UGT8: variants seen among roughly 807,000 people sequenced by gnomAD.
The protein encoded by UGT8 is UDP glycosyltransferase 8, also known as 2-hydroxyacylsphingosine 1-beta-galactosyltransferase.
UGT8 carries 12 observed loss-of-function variants against 40.5 expected under a neutral mutation model. The observed-to-expected ratio is 0.30, with a 90% CI of 0.19 to 0.48. The LOEUF (loss-of-function observed/expected upper bound fraction) is 0.48, where lower values mean the gene tolerates loss of function less well. Among genes scored for constraint, UGT8 ranks in the 20% least tolerant of loss-of-function variants. The probability of loss-of-function intolerance (pLI) is 0.99; values close to 1 mark genes in which losing one functional copy is unlikely to be tolerated. For missense variants in UGT8, 513 were observed against 648.7 expected, an observed-to-expected ratio of 0.79 and a Z score of 2.27; for synonymous variants, 224 against 240.4, an observed-to-expected ratio of 0.93 and a Z score of 0.63.
intron 5 of UGT8, 69 bp downstream of exon 5, chr4:114,668,373 T>C: frequency 1.6e-6 from 2 of 1,222,438 alleles, no homozygotes; most frequent in Non-Finnish European, 2.4e-6. Flanking sequence ...AGCCAATTAT[T>C]TTCAATAGAT....
At chr4:114,673,451 C>T (rs932193573) in intron 5 of UGT8, among the ~76,000 whole-genome samples, 8 of 152,096 alleles carry the variant, frequency 5.3e-5, no homozygotes, top group African/African-American at 7.2e-5. Context: ...AGAGTCTGAC[C>T]GATGAAAGTC....
intron 2 of UGT8, among the ~76,000 whole-genome samples, chr4:114,648,299 A>G (rs1369800508): frequency 1.3e-5 from 2 of 151,852 alleles, no homozygotes; most frequent in Non-Finnish European, 2.9e-5. Context: ...GAGGGGTTGT[A>G]AATGCTGTGA....
At chr4:114,670,913 A>C (rs922017671) in intron 5 of UGT8, among the ~76,000 whole-genome samples, 2 of 152,128 alleles carry the variant, frequency 1.3e-5, no homozygotes, top group African/African-American at 4.8e-5. Context: ...TATTTAGAAA[A>C]CCGCATTGTC....
At chr4:114,615,943 C>T (rs1731395052) in intron 1 of UGT8, among the ~76,000 whole-genome samples, 1 of 149,092 alleles carries the variant, frequency 6.7e-6, no homozygotes, top group Admixed American at 6.7e-5. Flanking sequence ...ATGTTGCTGC[C>T]TGATTGTTCC....
Position 114,645,246 on chromosome 4 carries a change from C to A in UGT8, c.823-18749C>A, listed in dbSNP as rs74404944. On this transcript the variant is annotated intron_variant, in intron 2 of 5. Transcript: ENST00000310836. ...ACTACCAAGTTCTCTTTAAAACAATCCCAGTGGTGATTGGTTGGTGAGTGC... is the reference window on the plus strand; with the variant it reads ...ACTACCAAGTTCTCTTTAAAACAATACCAGTGGTGATTGGTTGGTGAGTGC... 6.1e-3 allele frequency among the ~76,000 whole-genome samples: 932 copies of A among 152,244 alleles called. 12 individuals carry two copies. Among genetic ancestry groups the A allele is most frequent in the African/African-American group, 0.021 (890 of 41,542 alleles).
At chr4:114,607,044 G>A (rs1730776009) in intron 1 of UGT8, among the ~76,000 whole-genome samples, 1 of 152,094 alleles carries the variant, frequency 6.6e-6, no homozygotes, top group Non-Finnish European at 1.5e-5. Flanking sequence ...ATAATACTTG[G>A]TTTCCCCTAG....
At chr4:114,662,393 A>C (rs1266323470) in intron 2 of UGT8, among the ~76,000 whole-genome samples, 1 of 152,212 alleles carries the variant, frequency 6.6e-6, no homozygotes, top group Non-Finnish European at 1.5e-5. Flanking sequence ...GAAAAGATCA[A>C]AATGCAAAAT....
At chr4:114,617,473 TAGAA>T (rs1458223181) in intron 1 of UGT8, among the ~76,000 whole-genome samples, 4 of 151,970 alleles carry the variant, frequency 2.6e-5, no homozygotes, top group East Asian at 1.9e-4. Flanking sequence ...TAATTTTTAA[TAGAA>T]AGAAAAAAGG....
At chr4:114,603,194 A>AT (rs1730539204) in intron 1 of UGT8, among the ~76,000 whole-genome samples, 1 of 152,150 alleles carries the variant, frequency 6.6e-6, no homozygotes, top group Admixed American at 6.6e-5. Flanking sequence ...AGCAAGAGTG[A>AT]TAGAGTTCAG....
intron 2 of UGT8, among the ~76,000 whole-genome samples, chr4:114,624,045 T>A (rs1162839805): frequency 6.6e-6 from 1 of 152,202 alleles, no homozygotes; most frequent in East Asian, 1.9e-4. Flanking sequence ...TATCTTTAAT[T>A]ACACACAGAA....
Position 114,648,535 on chromosome 4 carries a change from T to C in UGT8, c.823-15460T>C, listed in dbSNP as rs533290086. 7.9e-5 allele frequency among the ~76,000 whole-genome samples: 12 copies of C among 152,248 alleles called. 1 individual carries two copies. In the East Asian group the frequency reaches 2.3e-3, roughly 29 times the overall value. On this transcript the variant is annotated intron_variant, in intron 2 of 5. Transcript: ENST00000310836. ...TATATAATTTATTTCAATTTTGTCA[T>C]GGATTATAATTAAATAAGAATATAT...
intron 5 of UGT8, among the ~76,000 whole-genome samples, chr4:114,673,020 T>G (rs966601532): frequency 1.3e-5 from 2 of 152,158 alleles, no homozygotes; most frequent in African/African-American, 2.4e-5. Context: ...TTCGCACATA[T>G]CCAACCTGTG....
intron 2 of UGT8, among the ~76,000 whole-genome samples, chr4:114,648,623 A>C (rs1733723809): frequency 6.6e-6 from 1 of 152,196 alleles, no homozygotes; most frequent in South Asian, 2.1e-4. Flanking sequence ...GGGTAGATTA[A>C]TGCCTATGCA....
chr4:114,660,268 T>C (rs1251615446), intron 2 of UGT8, among the ~76,000 whole-genome samples: 1 of 152,178 alleles, frequency 6.6e-6, no homozygotes, highest in East Asian at 1.9e-4. Flanking sequence ...AAATTCTAGG[T>C]TCTATTCTTT....
Position 114,623,207 on chromosome 4 carries a change from C to T in UGT8, c.327C>T (p.His109=). 1 of 1,614,152 alleles carries T rather than the reference C, an allele frequency of 6.2e-7. No homozygotes were observed. The highest frequency in any genetic ancestry group is 1.1e-5 in the South Asian group (1 of 91,086). ...TAIELFDILD[H]YTKNCDLMVG... ...TCGAACTGTTTGACATACTGGATCA[C>T]TATACTAAGAACTGTGACCTGATGG... The change falls in exon 2 of 6, where the codon CAC becomes CAT. Residue 109 remains histidine, a synonymous_variant. Transcript: ENST00000310836.
Position 114,631,526 on chromosome 4 carries a change from A to G in UGT8, c.822+7824A>G, listed in dbSNP as rs900841424. Among the ~76,000 whole-genome samples the G allele has an allele frequency of 2.0e-5, 3 of 152,286 alleles. No homozygotes were observed. In the East Asian group the frequency reaches 5.8e-4, roughly 29 times the overall value. ...TAAAAGAAAAGTAATGTCCCATTGT[A>G]TCCTTTGTATTTTCCTTCAGTATTG... On this transcript the variant is annotated intron_variant, in intron 2 of 5. Coordinates refer to ENST00000310836, the MANE Select transcript of UGT8 (RefSeq NM_001128174.3).
At chr4:114,650,946 T>TCA (rs1733863627) in intron 2 of UGT8, among the ~76,000 whole-genome samples, 1 of 152,086 alleles carries the variant, frequency 6.6e-6, no homozygotes, top group Non-Finnish European at 1.5e-5. Flanking sequence ...AAACATCCTT[T>TCA]TTCATCCTGC....
At chr4:114,665,888 G>GT (rs1734838090) in intron 4 of UGT8, 132 bp downstream of exon 4, 3 of 561,140 alleles carry the variant, frequency 5.3e-6, no homozygotes, top group Admixed American at 4.4e-5. Flanking sequence ...GAGTTATTAT[G>GT]TTTTTTATCC....
intron 3 of UGT8, 45 bp downstream of exon 3, chr4:114,664,182 A>C: frequency 6.2e-7 from 1 of 1,603,214 alleles, no homozygotes; most frequent in Non-Finnish European, 8.5e-7. Context: ...GACAATCAAT[A>C]TCTCCTTGTT....
Sources: allele counts gnomAD v4.1 joint callset (sites outside exome capture counted in the v4.1 genomes callset), GRCh38; gene constraint gnomAD v4.1.1; transcripts MANE v1.5; gene names NCBI Gene and HGNC (gene_info 2026-07-23, HGNC 2026-07-21).